Variants in FGF13 observed in about 807,000 individuals in gnomAD.
FGF13 encodes fibroblast growth factor homologous factor 2.
FGF13 carries 2 observed loss-of-function variants against 19.5 expected under a neutral mutation model. The observed-to-expected ratio is 0.10, with a 90% confidence interval of 0.04 to 0.32. FGF13 has a LOEUF of 0.32. Ranked by LOEUF, FGF13 falls within the 10% of genes least tolerant of loss-of-function variation. The probability of loss-of-function intolerance (pLI) is 1.00; values close to 1 mark genes in which losing one functional copy is unlikely to be tolerated. For synonymous variants in FGF13, 72 were observed against 76.9 expected, an observed-to-expected ratio of 0.94 and a Z score of 0.33; for missense variants, 113 against 192.7, an observed-to-expected ratio of 0.59 and a Z score of 2.45.
upstream of FGF13, among the ~76,000 whole-genome samples, chrX:138,742,559 G>C (rs1201696017): frequency 9.0e-6 from 1 of 110,652 alleles, no homozygotes; most frequent in Non-Finnish European, 1.9e-5. Context: ...TCTATCATCT[G>C]TTCCTACAGG....
At chrX:138,817,168 G>A (rs1271348901) in intron 3 of FGF13, among the ~76,000 whole-genome samples, 3 of 111,226 alleles carry the variant, frequency 2.7e-5, no homozygotes, top group African/African-American at 9.8e-5. Context: ...TGATTATTAT[G>A]GTTATTTTTC....
At chrX:138,830,687 T>TGTGTGTGTGTGTG (rs1556225883) in intron 3 of FGF13, among the ~76,000 whole-genome samples, 8 of 87,519 alleles carry the variant, frequency 9.1e-5, no homozygotes, top group Non-Finnish European at 1.3e-4. Context: ...AAAGGGGTGT[T>TGTGTGTGTGTGTG]TGTGTGTGTG....
Position 138,627,981 on chromosome X carries a change from T to C in FGF13, c.*4869A>G, listed in dbSNP as rs12833799. 1.8e-5 allele frequency: 2 copies of C among 111,846 alleles called. No individual in the cohort carries two copies. Among genetic ancestry groups the C allele is most frequent in the Non-Finnish European group, 3.8e-5 (2 of 53,249 alleles). The allele number at this position is 111,846 out of a possible 1,213,427, so 9.2% of individuals were successfully genotyped here. On this transcript the variant is annotated 3_prime_UTR_variant, in exon 5 of 5. Transcript: ENST00000315930. ...TTCATTAATTTGTCATAGATTATTGTTCTCTGTGCAACAAATTCAAACCAA... is the reference window on the plus strand; with the variant it reads ...TTCATTAATTTGTCATAGATTATTGCTCTCTGTGCAACAAATTCAAACCAA...
rs139630028 is a variant in FGF13, at chrX:138,953,584, A to T, written c.-112-88934T>A. Among the ~76,000 whole-genome samples the T allele has an allele frequency of 6.9e-3, 774 of 111,848 alleles. 8 individuals carry two copies. The highest frequency in any genetic ancestry group is 0.023 in the African/African-American group (721 of 30,798). On this transcript the variant is annotated intron_variant, in intron 1 of 2. Transcript: ENST00000421460. ...TAAAACTTAAAGTATAATAATAATA[A>T]AAAAAGAAAACATCTGTCTGCAAAA...
At chrX:139,004,043 G>T (rs1171047290) in intron 1 of FGF13, among the ~76,000 whole-genome samples, 2 of 112,609 alleles carry the variant, frequency 1.8e-5, no homozygotes, top group Non-Finnish European at 3.8e-5. Context: ...TGGCCCTTGG[G>T]TGGTAGATGG....
chrX:138,885,931 C>T (rs1236707334), intron 1 of FGF13, among the ~76,000 whole-genome samples: 1 of 109,927 alleles, frequency 9.1e-6, no homozygotes, highest in East Asian at 2.9e-4. Flanking sequence ...CATATATTTC[C>T]CTGTACTTCA....
chrX:139,017,816 T>C (rs1453122797), intron 1 of FGF13, among the ~76,000 whole-genome samples: 1 of 111,570 alleles, frequency 9.0e-6, no homozygotes, highest in African/African-American at 3.3e-5. Context: ...TCAACTCTTA[T>C]ATATTCCAGA....
At chrX:138,685,536 CTTTATA>C (rs907725347) in intron 3 of FGF13, among the ~76,000 whole-genome samples, 16 of 111,438 alleles carry the variant, frequency 1.4e-4, no homozygotes, top group African/African-American at 5.2e-4. Context: ...TTTACTTGGA[CTTTATA>C]TTTAATTCAA....
Position 138,711,248 on chromosome X carries a change from G to A in FGF13, c.-245C>T. On this transcript the variant is annotated 5_prime_UTR_variant, in exon 1 of 5. Coordinates refer to ENST00000315930, the MANE Select transcript of FGF13 (RefSeq NM_004114.5). The stretch of plus-strand genomic sequence containing the variant: ...GCTGGCTGCCTGGGTCGGAGTCGAC[G>A]CCACAGCCCCGGGCCCGGGATCGCG... 1.0e-6 allele frequency: 1 copy of A among 954,320 alleles called. No homozygotes were observed. The highest frequency in any genetic ancestry group is 3.1e-5 in the South Asian group (1 of 32,528). The allele number at this position is 954,320 out of a possible 1,213,427, so 78.6% of individuals were successfully genotyped here. A position where few individuals can be genotyped will look rare whatever the true frequency, so the allele number is the denominator to read the frequency against.
intron 1 of FGF13, among the ~76,000 whole-genome samples, chrX:139,009,359 T>C (rs535695950): frequency 4.5e-5 from 5 of 111,790 alleles, no homozygotes; most frequent in Middle Eastern, 4.6e-3. Flanking sequence ...CATCAGGTTA[T>C]CTAAAGTCAA....
chrX:139,060,689 T>C (rs1385784739), intron 1 of FGF13, among the ~76,000 whole-genome samples: 3 of 112,003 alleles, frequency 2.7e-5, no homozygotes, highest in Non-Finnish European at 5.6e-5. Flanking sequence ...TTAGAATATG[T>C]GTTGGTGCTT....
chrX:139,144,125 C>T (rs1221827066), intron 1 of FGF13, among the ~76,000 whole-genome samples: 1 of 111,559 alleles, frequency 9.0e-6, no homozygotes, highest in Non-Finnish European at 1.9e-5. Context: ...CACTGCTAGC[C>T]TCAGGCCTGG....
At chrX:138,948,598 T>A (rs1320045284) in intron 1 of FGF13, among the ~76,000 whole-genome samples, 1 of 111,892 alleles carries the variant, frequency 8.9e-6, no homozygotes, top group South Asian at 3.7e-4. Context: ...GGCTCTAACA[T>A]TTCCAGAATT....
At chrX:138,937,977 A>G (rs2091740244) in intron 1 of FGF13, among the ~76,000 whole-genome samples, 1 of 111,706 alleles carries the variant, frequency 9.0e-6, no homozygotes, top group African/African-American at 3.3e-5. Flanking sequence ...AATCTTAAGG[A>G]AACTACCATT....
chrX:138,655,948 T>TTTCA (rs2089432250), intron 3 of FGF13, among the ~76,000 whole-genome samples: 1 of 111,685 alleles, frequency 9.0e-6, no homozygotes, highest in African/African-American at 3.3e-5. Flanking sequence ...CTAGGATACT[T>TTTCA]TTCATTCATT....
In FGF13 at chrX:138,941,291, T is replaced by C. The variant is rs147050354; in HGVS notation, c.-112-76641A>G. On this transcript the variant is annotated intron_variant, in intron 1 of 2. Transcript: ENST00000421460. Reference sequence around the variant, plus strand: ...AGACTATTCCTGTTTGCAGACAATATGATTCTATACCTATAAAACCCCACA... The same window carrying C: ...AGACTATTCCTGTTTGCAGACAATACGATTCTATACCTATAAAACCCCACA... Among the ~76,000 whole-genome samples the C allele has an allele frequency of 1.5e-4, 17 of 111,997 alleles. 1 individual carries two copies. The highest frequency in any genetic ancestry group is 5.2e-4 in the African/African-American group (16 of 30,840).
chrX:138,822,341 T>A (rs765475366), intron 3 of FGF13, among the ~76,000 whole-genome samples: 96 of 112,168 alleles, frequency 8.6e-4, no homozygotes, highest in African/African-American at 3.0e-3. Context: ...TCAGGGGCAG[T>A]CAATAACCTG....
intron 1 of FGF13, among the ~76,000 whole-genome samples, chrX:138,725,702 A>G (rs1351901430): frequency 4.5e-5 from 5 of 111,258 alleles, no homozygotes; most frequent in Non-Finnish European, 7.6e-5. Flanking sequence ...TGATAATATA[A>G]TGGATTTTTT....
rs955734325 is a variant in FGF13, at chrX:138,861,797, G to A, written c.-39+2780C>T. On this transcript the variant is annotated intron_variant, in intron 2 of 2. Coordinates refer to the FGF13 transcript ENST00000421460. ...GCAGGTGGATCACCTGAGGTCATGA[G>A]TTCGAGACTAGACTGGCCAACATGG... Among the ~76,000 whole-genome samples the A allele has an allele frequency of 3.6e-5, 4 of 111,394 alleles. No individual in the cohort carries two copies. The Admixed American group carries it at 3.8e-4, about 11-fold the overall frequency.
Sources: gnomAD v4.1 joint callset for allele counts (sites outside exome capture counted in the v4.1 genomes callset) on GRCh38, gnomAD v4.1.1 for gene constraint, MANE v1.5 for transcripts, NCBI Gene and HGNC (gene_info 2026-07-23, HGNC 2026-07-21) for gene names.